Variants in CHD7 observed in about 807,000 individuals in gnomAD.
CHD7 encodes the protein chromodomain helicase DNA binding protein 7.
In CHD7, 24 loss-of-function variants were observed where a neutral mutation model predicts 307.3. The ratio of observed to expected loss-of-function variants is 0.08; its 90% confidence interval spans 0.06 to 0.11. The LOEUF is 0.11. Ranked by LOEUF, CHD7 falls within the 10% of genes least tolerant of loss-of-function variation. The pLI, the probability that CHD7 is intolerant of heterozygous loss-of-function variation, is 1.00. For missense variants in CHD7, 3,106 were observed against 3,727.1 expected, an observed-to-expected ratio of 0.83 and a Z score of 4.34; for synonymous variants, 1,363 against 1,349.9, an observed-to-expected ratio of 1.01 and a Z score of -0.21.
chr8:60,829,854 A>G (rs1030159099), intron 14 of CHD7, among the ~76,000 whole-genome samples: 5 of 152,226 alleles, frequency 3.3e-5, no homozygotes, highest in Non-Finnish European at 2.9e-5. Context: ...CAATCAATAG[A>G]AAAGAGAACC....
chr8:60,797,083 G>C (rs1812069576), intron 4 of CHD7, among the ~76,000 whole-genome samples: 1 of 152,224 alleles, frequency 6.6e-6, no homozygotes, highest in South Asian at 2.1e-4. Context: ...TGGTTTAAAG[G>C]CAGTTCTTAC....
At chr8:60,687,671 T>C (rs1805977982) in intron 1 of CHD7, among the ~76,000 whole-genome samples, 1 of 152,240 alleles carries the variant, frequency 6.6e-6, no homozygotes, top group South Asian at 2.1e-4. Flanking sequence ...CCGGCTGTTA[T>C]TTCCAGTTGG....
At chr8:60,750,820 CAG>C (rs1809607302) in intron 2 of CHD7, among the ~76,000 whole-genome samples, 1 of 152,258 alleles carries the variant, frequency 6.6e-6, no homozygotes, top group South Asian at 2.1e-4. Flanking sequence ...AAAAACAAGT[CAG>C]AGTATAAATA....
chr8:60,864,737 C>CT (rs1806163130), intron 37 of CHD7: 1 of 421,528 alleles, frequency 2.4e-6, no homozygotes, highest in Non-Finnish European at 4.3e-6. Flanking sequence ...CCATAATGTA[C>CT]TTTCTGATGT....
At chr8:60,802,481 G>C (rs145097640) in intron 6 of CHD7, among the ~76,000 whole-genome samples, 76 of 152,110 alleles carry the variant, frequency 5.0e-4, no homozygotes, top group Middle Eastern at 3.4e-3. Flanking sequence ...GTTTTTATTT[G>C]CTTTCAAGAA....
At chr8:60,753,686 G>C (rs1226633812) in intron 2 of CHD7, among the ~76,000 whole-genome samples, 2 of 151,338 alleles carry the variant, frequency 1.3e-5, no homozygotes, top group Admixed American at 1.3e-4. Context: ...TTGCAGTGGT[G>C]CGATCTTGGC....
chr8:60,840,336 T>A (rs1804916618), intron 19 of CHD7, among the ~76,000 whole-genome samples: 1 of 152,188 alleles, frequency 6.6e-6, no homozygotes, highest in South Asian at 2.1e-4. Flanking sequence ...GTATTCAATA[T>A]GTGCACAGCC....
At chr8:60,822,817 C>G in intron 12 of CHD7, 71 bp downstream of exon 12, 1 of 1,395,012 alleles carries the variant, frequency 7.2e-7, no homozygotes, top group Non-Finnish European at 9.5e-7. Context: ...AAATCAAAGT[C>G]TTGGTGACTT....
intron 37 of CHD7, chr8:60,864,507 T>C (rs1489095912): frequency 6.0e-6 from 1 of 166,004 alleles, no homozygotes; most frequent in East Asian, 1.6e-4. Context: ...ATATATAGGG[T>C]ACATGAGATA....
chr8:60,724,723 T>C (rs560671476), intron 1 of CHD7, among the ~76,000 whole-genome samples: 1 of 152,164 alleles, frequency 6.6e-6, no homozygotes, highest in Non-Finnish European at 1.5e-5. Context: ...TGTTCTAAAG[T>C]GTTGGAGAGA....
chr8:60,807,351 C>A (rs1812584106), intron 6 of CHD7, among the ~76,000 whole-genome samples: 1 of 152,164 alleles, frequency 6.6e-6, no homozygotes, highest in South Asian at 2.1e-4. Context: ...TTTTAGATCC[C>A]TGATTTATCT....
At chr8:60,785,736 A>G (rs1230865424) in intron 3 of CHD7, among the ~76,000 whole-genome samples, 1 of 152,250 alleles carries the variant, frequency 6.6e-6, no homozygotes. Flanking sequence ...TAGTTTTGGT[A>G]GTAAGTACAA....
chr8:60,743,153 C>A (rs767145919), intron 2 of CHD7, 56 bp downstream of exon 2: 32 of 1,449,400 alleles, frequency 2.2e-5, no homozygotes, highest in Non-Finnish European at 3.0e-5. Flanking sequence ...ACATGGCTAA[C>A]TTGTCTGATC....
chr8:60,684,547 G>A (rs1348807109), intron 1 of CHD7, among the ~76,000 whole-genome samples: 1 of 146,730 alleles, frequency 6.8e-6, no homozygotes, highest in Non-Finnish European at 1.5e-5. Context: ...AGTTGGGTGG[G>A]GTATTACCCC....
intron 2 of CHD7, among the ~76,000 whole-genome samples, chr8:60,776,762 A>G (rs1474312101): frequency 6.6e-6 from 1 of 152,322 alleles, no homozygotes; most frequent in East Asian, 1.9e-4. Context: ...GAATCATTGC[A>G]CACTCTTCTG....
chr8:60,817,486 A>G (rs1017786136), intron 8 of CHD7, among the ~76,000 whole-genome samples: 2 of 152,270 alleles, frequency 1.3e-5, no homozygotes, highest in South Asian at 2.1e-4. Context: ...CAACTGGCCT[A>G]TGGTAAAGTC....
At chr8:60,709,366 C>T (rs1025531915) in intron 1 of CHD7, among the ~76,000 whole-genome samples, 4 of 152,120 alleles carry the variant, frequency 2.6e-5, no homozygotes, top group East Asian at 1.9e-4. Flanking sequence ...AAATCACCAA[C>T]GTTTATTCAC....
intron 1 of CHD7, among the ~76,000 whole-genome samples, chr8:60,686,600 G>A (rs1397104442): frequency 1.3e-5 from 2 of 152,164 alleles, no homozygotes; most frequent in Admixed American, 6.5e-5. Flanking sequence ...TTTCCACCAT[G>A]TATTTCATCA....
chr8:60,861,193 T>C (rs1805953949), intron 35 of CHD7, 68 bp downstream of exon 35: 2 of 1,205,434 alleles, frequency 1.7e-6, no homozygotes, highest in African/African-American at 3.0e-5. Flanking sequence ...CCTTACAACA[T>C]AGAAATCCCT....
Sources: gnomAD v4.1 joint callset for allele counts (sites outside exome capture counted in the v4.1 genomes callset) on GRCh38, gnomAD v4.1.1 for gene constraint, MANE v1.5 for transcripts, NCBI Gene and HGNC (gene_info 2026-07-23, HGNC 2026-07-21) for gene names.